CLMP: variants seen among roughly 807,000 people sequenced by gnomAD.
CLMP encodes CXADR-like membrane protein.
In CLMP, 27 loss-of-function variants were observed where a neutral mutation model predicts 45.2. The observed-to-expected ratio is 0.60, with a 90% CI of 0.44 to 0.82. CLMP has a LOEUF of 0.82. Ranked by LOEUF, CLMP falls within the 40% of genes least tolerant of loss-of-function variation. CLMP has a pLI of 0.00. For missense variants in CLMP, 403 were observed against 448.4 expected, an observed-to-expected ratio of 0.90 and a Z score of 0.91; for synonymous variants, 167 against 171.4, an observed-to-expected ratio of 0.97 and a Z score of 0.20.
chr11:123,104,446 G>A (rs111525170), intron 1 of CLMP, among the ~76,000 whole-genome samples: 15 of 151,112 alleles, frequency 9.9e-5, no homozygotes, highest in African/African-American at 3.2e-4. Context: ...ATGCAATGGC[G>A]TCATCTCAGC....
At chr11:123,171,218 G>A (rs1422488775) in intron 1 of CLMP, among the ~76,000 whole-genome samples, 1 of 152,090 alleles carries the variant, frequency 6.6e-6, no homozygotes, top group African/African-American at 2.4e-5. Context: ...ATCTGAAAGG[G>A]TCTGGCCTGT....
intron 1 of CLMP, among the ~76,000 whole-genome samples, chr11:123,103,852 CAG>C (rs1352791963): frequency 7.1e-6 from 1 of 141,644 alleles, no homozygotes; most frequent in African/African-American, 2.7e-5. Context: ...TTTTTTGAGA[CAG>C]AGTGTCACTC....
chr11:123,084,042 C>T (rs934081862), intron 3 of CLMP, among the ~76,000 whole-genome samples, 195 bp from the exon 4 acceptor site: 1 of 152,200 alleles, frequency 6.6e-6, no homozygotes, highest in Non-Finnish European at 1.5e-5. Context: ...GCACACATAC[C>T]CGCAACTCCA....
intron 1 of CLMP, among the ~76,000 whole-genome samples, chr11:123,186,014 T>C (rs1334013604): frequency 2.6e-5 from 4 of 152,146 alleles, no homozygotes; most frequent in Non-Finnish European, 5.9e-5. Context: ...CTCCTGTCTG[T>C]CTGTGTGTCA....
intron 1 of CLMP, among the ~76,000 whole-genome samples, chr11:123,157,765 A>G (rs191507555): frequency 7.4e-4 from 110 of 149,560 alleles, no homozygotes; most frequent in Admixed American, 2.2e-3. Flanking sequence ...GAAGGCCCAA[A>G]GTGGAGTTAC....
At chr11:123,188,857 G>A (rs1565407530) in intron 1 of CLMP, 2 of 152,200 alleles carry the variant, frequency 1.3e-5, no homozygotes, top group East Asian at 3.8e-4. Flanking sequence ...AGGAAGCTAT[G>A]GTTTGCATTT....
At chr11:123,129,074 G>C (rs1328328265) in intron 1 of CLMP, among the ~76,000 whole-genome samples, 2 of 152,196 alleles carry the variant, frequency 1.3e-5, no homozygotes, top group Admixed American at 6.6e-5. Context: ...TGTAATCCCA[G>C]CACTTTGGGA....
intron 2 of CLMP, among the ~76,000 whole-genome samples, chr11:123,094,419 G>C (rs1012551360): frequency 3.9e-5 from 6 of 152,096 alleles, no homozygotes; most frequent in Non-Finnish European, 7.4e-5. Context: ...CCCAGCCCAG[G>C]GTGCCTAATT....
At chr11:123,099,165 A>T (rs994975130) in intron 1 of CLMP, among the ~76,000 whole-genome samples, 3 of 152,192 alleles carry the variant, frequency 2.0e-5, no homozygotes, top group African/African-American at 7.2e-5. Context: ...GTCTTCTATT[A>T]GCAGAGGCTT....
In CLMP at chr11:123,195,098, C is replaced by T. The variant is rs1006745034; in HGVS notation, c.-158G>A. ...CCGGGCGGGAGCCGGCCCCGCGCCC[C>T]GTGCCCCTGGGGGCAGATGGGCTCC... On this transcript the variant is annotated 5_prime_UTR_variant, in exon 1 of 7. Coordinates refer to ENST00000448775, the MANE Select transcript of CLMP (RefSeq NM_024769.5). The T allele has an allele frequency of 4.0e-6, 2 of 493,866 alleles. No homozygotes were observed. The highest frequency in any genetic ancestry group is 6.1e-6 in the Non-Finnish European group (2 of 326,654). The allele number at this position is 493,866 out of a possible 1,614,324, so 30.6% of individuals were successfully genotyped here. A position where few individuals can be genotyped will look rare whatever the true frequency, so the allele number is the denominator to read the frequency against.
intron 1 of CLMP, among the ~76,000 whole-genome samples, chr11:123,150,369 G>T (rs1228375736): frequency 6.8e-6 from 1 of 146,622 alleles, no homozygotes; most frequent in African/African-American, 2.5e-5. Context: ...TGACACAGGG[G>T]CAGGTTAAAT....
intron 5 of CLMP, 128 bp downstream of exon 5, chr11:123,082,957 C>T (rs758180466): frequency 4.5e-6 from 5 of 1,114,904 alleles, no homozygotes; most frequent in Non-Finnish European, 6.4e-6. Flanking sequence ...TTGGTGATAG[C>T]CATATCCTTC....
At position 123,108,857 on chromosome 11, in the gene CLMP, C is replaced by T. The variant is rs563041963; in HGVS notation, c.29-10905G>A. Among the ~76,000 whole-genome samples, 15 of 151,988 alleles carry T rather than the reference C, an allele frequency of 9.9e-5. No individual in the cohort carries two copies. The South Asian group carries it at 3.1e-3, about 32-fold the overall frequency. On this transcript the variant is annotated intron_variant, in intron 1 of 6. Coordinates refer to ENST00000448775, the MANE Select transcript of CLMP (RefSeq NM_024769.5). The stretch of plus-strand genomic sequence containing the variant: ...TCACCTGAGGTCGGGAGTTCGAGAC[C>T]AGCCTGACTAGCATGGAGAAGGAGA...
intron 1 of CLMP, among the ~76,000 whole-genome samples, chr11:123,116,935 G>A (rs567741286): frequency 2.0e-5 from 3 of 152,218 alleles, no homozygotes; most frequent in Admixed American, 1.3e-4. Flanking sequence ...CAACGTTATA[G>A]TTTATATTAT....
intron 1 of CLMP, among the ~76,000 whole-genome samples, chr11:123,108,736 C>T (rs1035336935): frequency 2.6e-5 from 4 of 152,054 alleles, no homozygotes; most frequent in African/African-American, 9.7e-5. Flanking sequence ...GAGAAGTTTT[C>T]AGATTAAACA....
intron 2 of CLMP, 77 bp downstream of exon 2, chr11:123,097,718 G>A: frequency 8.5e-7 from 1 of 1,175,526 alleles, no homozygotes. Flanking sequence ...GAGCCAGAAA[G>A]AAAGACTGGA....
intron 1 of CLMP, among the ~76,000 whole-genome samples, chr11:123,109,077 A>AG (rs1555080469): frequency 1.5e-4 from 23 of 151,426 alleles, no homozygotes; most frequent in African/African-American, 3.1e-4. Flanking sequence ...AAAAAAAAAA[A>AG]AAAGAAAGAA....
intron 1 of CLMP, among the ~76,000 whole-genome samples, chr11:123,108,950 T>C (rs1339078912): frequency 6.6e-6 from 1 of 151,232 alleles, no homozygotes; most frequent in Non-Finnish European, 1.5e-5. Flanking sequence ...TCCCAGCTAC[T>C]TGGGAGGCTG....
chr11:123,163,963 T>C (rs1861521931), intron 1 of CLMP, among the ~76,000 whole-genome samples: 1 of 152,166 alleles, frequency 6.6e-6, no homozygotes, highest in Non-Finnish European at 1.5e-5. Context: ...ACAATGACAA[T>C]AGTGCCCACA....
Sources: gnomAD v4.1 joint callset for allele counts (sites outside exome capture counted in the v4.1 genomes callset) on GRCh38, gnomAD v4.1.1 for gene constraint, MANE v1.5 for transcripts, NCBI Gene and HGNC (gene_info 2026-07-23, HGNC 2026-07-21) for gene names.